The following MND1 variants were observed in gnomAD, a reference collection of about 807,000 sequenced individuals.
The protein encoded by MND1 is meiotic nuclear divisions 1.
Under a neutral mutation model 35.1 loss-of-function variants are expected in MND1, and 28 were observed. The observed-to-expected ratio is 0.80, with a 90% CI of 0.59 to 1.09. The LOEUF (loss-of-function observed/expected upper bound fraction) is 1.09, where lower values mean the gene tolerates loss of function less well. Among genes scored for constraint, MND1 ranks in the 50% least tolerant of loss-of-function variants. The pLI, the probability that MND1 is intolerant of heterozygous loss-of-function variation, is 0.00. For synonymous variants in MND1, 69 were observed against 70.5 expected, an observed-to-expected ratio of 0.98 and a Z score of 0.11; for missense variants, 213 against 239.6, an observed-to-expected ratio of 0.89 and a Z score of 0.73.
chr4:153,346,244 G>A (rs1449844620), intron 1 of MND1, among the ~76,000 whole-genome samples: 1 of 152,202 alleles, frequency 6.6e-6, no homozygotes, highest in Non-Finnish European at 1.5e-5. Context: ...TGAACTCTGA[G>A]AGCAGCAGTG....
intron 6 of MND1, among the ~76,000 whole-genome samples, chr4:153,406,019 G>A (rs113223990): frequency 6.9e-4 from 105 of 152,064 alleles, no homozygotes; most frequent in Admixed American, 2.2e-3. Flanking sequence ...TAGCCAGGAT[G>A]GTCTTGATCT....
chr4:153,359,554 T>A (rs13125658), intron 4 of MND1, among the ~76,000 whole-genome samples: 1,579 of 152,282 alleles, frequency 0.01, 16 homozygotes, highest in Non-Finnish European at 0.015. Context: ...CCAAGGAGCG[T>A]GATTGCTGGA....
chr4:153,381,340 A>G (rs930542938), intron 4 of MND1, among the ~76,000 whole-genome samples: 14 of 151,892 alleles, frequency 9.2e-5, no homozygotes, highest in Admixed American at 2.6e-4. Context: ...CTGACCCTAC[A>G]GCTATAGAAT....
chr4:153,364,452 G>A (rs1023650976), intron 4 of MND1, among the ~76,000 whole-genome samples: 4 of 152,124 alleles, frequency 2.6e-5, no homozygotes, highest in African/African-American at 9.6e-5. Flanking sequence ...AAGAGTTTGA[G>A]GTTGCAGTGA....
intron 7 of MND1, among the ~76,000 whole-genome samples, chr4:153,413,835 G>A (rs954096967): frequency 5.9e-5 from 9 of 152,142 alleles, no homozygotes; most frequent in African/African-American, 2.2e-4. Context: ...TTATGGCACT[G>A]GGATAAAGAC....
intron 2 of MND1, among the ~76,000 whole-genome samples, chr4:153,354,509 G>GT (rs796604986): frequency 6.6e-6 from 1 of 151,976 alleles, no homozygotes. Flanking sequence ...GTTTTGTTTT[G>GT]TTTTTTGAGA....
intron 7 of MND1, among the ~76,000 whole-genome samples, chr4:153,413,661 G>T (rs1223732441): frequency 1.3e-5 from 2 of 149,620 alleles, no homozygotes; most frequent in Non-Finnish European, 3.0e-5. Context: ...CAGCCTGGGA[G>T]ACAAAGCAAG....
chr4:153,364,119 A>C (rs1561060337), intron 4 of MND1, among the ~76,000 whole-genome samples: 2 of 152,248 alleles, frequency 1.3e-5, no homozygotes, highest in Non-Finnish European at 2.9e-5. Context: ...GTTAGCAAGG[A>C]TTTGGAGAAA....
intron 6 of MND1, among the ~76,000 whole-genome samples, chr4:153,400,148 G>A (rs1192380796): frequency 6.6e-6 from 1 of 151,900 alleles, no homozygotes; most frequent in Non-Finnish European, 1.5e-5. Flanking sequence ...GCCTCAAGCA[G>A]TTCTCTCCCC....
intron 4 of MND1, among the ~76,000 whole-genome samples, chr4:153,384,151 A>G (rs1056984451): frequency 1.3e-5 from 2 of 150,886 alleles, no homozygotes; most frequent in African/African-American, 4.9e-5. Context: ...GATCTTTCAT[A>G]TCTCTTAACT....
chr4:153,355,472 G>A (rs1205376570), intron 2 of MND1, among the ~76,000 whole-genome samples, 182 bp from the exon 3 acceptor site: 1 of 152,102 alleles, frequency 6.6e-6, no homozygotes, highest in African/African-American at 2.4e-5. Context: ...TGTTTGAAGA[G>A]ATGGATACCC....
chr4:153,392,144 C>G (rs1338522356), intron 4 of MND1, among the ~76,000 whole-genome samples: 1 of 151,920 alleles, frequency 6.6e-6, no homozygotes, highest in East Asian at 1.9e-4. Flanking sequence ...CTCTGTCACC[C>G]AGGCTGGAGT....
intron 6 of MND1, among the ~76,000 whole-genome samples, chr4:153,405,293 A>C (rs1356033597): frequency 6.6e-6 from 1 of 152,144 alleles, no homozygotes; most frequent in Non-Finnish European, 1.5e-5. Flanking sequence ...AGACATGCAC[A>C]CTTCGGGAAG....
At chr4:153,409,764 A>T (rs954721640) in intron 7 of MND1, among the ~76,000 whole-genome samples, 2 of 150,088 alleles carry the variant, frequency 1.3e-5, no homozygotes, top group Admixed American at 1.3e-4. Context: ...GGCCTTTCGG[A>T]TTTTTTTTTT....
intron 4 of MND1, among the ~76,000 whole-genome samples, chr4:153,370,427 C>A (rs1208114777): frequency 6.6e-6 from 1 of 152,040 alleles, no homozygotes; most frequent in Non-Finnish European, 1.5e-5. Flanking sequence ...AGTCTTGAAC[C>A]CCTCAAAGTC....
intron 4 of MND1, among the ~76,000 whole-genome samples, chr4:153,392,057 A>T (rs1729060565): frequency 6.6e-6 from 1 of 151,960 alleles, no homozygotes; most frequent in South Asian, 2.1e-4. Flanking sequence ...ATATAACTAG[A>T]TCATATTGTG....
chr4:153,355,421 A>C (rs1333013837), intron 2 of MND1, among the ~76,000 whole-genome samples: 1 of 152,196 alleles, frequency 6.6e-6, no homozygotes, highest in Non-Finnish European at 1.5e-5. Flanking sequence ...AAAAATACTA[A>C]GAGTGAAATT....
chr4:153,356,765 A>G (rs916280939), intron 3 of MND1, among the ~76,000 whole-genome samples: 1 of 151,666 alleles, frequency 6.6e-6, no homozygotes, highest in African/African-American at 2.4e-5. Context: ...TTTTTCTCAT[A>G]TATTGGCCAT....
At chr4:153,358,723 G>A in intron 4 of MND1, 101 bp downstream of exon 4, 1 of 1,142,308 alleles carries the variant, frequency 8.8e-7, no homozygotes, top group Non-Finnish European at 1.2e-6. Flanking sequence ...TTTTTGATAT[G>A]CATTATTTGA....
Sources: allele counts gnomAD v4.1 joint callset (sites outside exome capture counted in the v4.1 genomes callset), GRCh38; gene constraint gnomAD v4.1.1; transcripts MANE v1.5; gene names NCBI Gene and HGNC (gene_info 2026-07-23, HGNC 2026-07-21).